ROCK2: variants seen among roughly 807,000 people sequenced by gnomAD.
ROCK2 encodes the protein rho-associated protein kinase 2.
ROCK2 carries 61 observed loss-of-function variants against 195.1 expected under a neutral mutation model. The observed-to-expected ratio is 0.31, with a 90% CI of 0.25 to 0.39. ROCK2 has a LOEUF of 0.39. Among genes scored for constraint, ROCK2 ranks in the 10% least tolerant of loss-of-function variants. ROCK2 has a pLI of 1.00. For missense variants in ROCK2, 1,109 were observed against 1,637.4 expected (o/e 0.68, Z 5.57); for synonymous variants, 504 against 545.5 (o/e 0.92, Z 1.06).
At chr2:11,283,510 G>A (rs1050941239) in intron 3 of ROCK2, among the ~76,000 whole-genome samples, 1 of 139,136 alleles carries the variant, frequency 7.2e-6, no homozygotes, top group Admixed American at 7.6e-5. Flanking sequence ...GCAGTGAGCC[G>A]AGATTGCGCC....
intron 3 of ROCK2, among the ~76,000 whole-genome samples, chr2:11,256,411 C>T (rs1666036779): frequency 6.6e-6 from 1 of 151,246 alleles, no homozygotes; most frequent in South Asian, 2.1e-4. Context: ...GCTTCCCTTT[C>T]ACCTTCTGCC....
chr2:11,245,275 T>A (rs896230271), intron 4 of ROCK2, among the ~76,000 whole-genome samples: 3 of 149,598 alleles, frequency 2.0e-5, no homozygotes, highest in Non-Finnish European at 4.4e-5. Context: ...TATAAAAATA[T>A]AAATTATATT....
chr2:11,221,322 T>C lies in ROCK2; in HGVS notation c.1135A>G (p.Ile379Val), dbSNP rs775276884. The C allele has an allele frequency of 1.3e-6, 2 of 1,586,278 alleles. No homozygotes were observed. Among genetic ancestry groups the C allele is most frequent in the Non-Finnish European group, 1.7e-6 (2 of 1,170,218 alleles). Residue 379 changes from isoleucine (I) to valine (V), a missense_variant, in exon 9 of 33, where the codon ATA (isoleucine) becomes GTA (valine). Ile to Val is a conservative substitution (Grantham distance 29). Coordinates refer to ENST00000315872, the MANE Select transcript of ROCK2 (RefSeq NM_004850.5). Reference sequence around the variant, plus strand: ...ATGTCATCGAAATTGCTGCTGTCTATGTCACTGCTGAGTTCAGGTACTACA... The same window carrying C: ...ATGTCATCGAAATTGCTGCTGTCTACGTCACTGCTGAGTTCAGGTACTACA... ...APVVPELSSD[I>V]DSSNFDDIED...
At chr2:11,214,575 G>C (rs1002745095) in intron 16 of ROCK2, 112 bp from the exon 17 acceptor site, 12 of 699,836 alleles carry the variant, frequency 1.7e-5, no homozygotes, top group Non-Finnish European at 2.8e-5. Flanking sequence ...TTTGTGAGCA[G>C]AAGTTTTATA....
In ROCK2 at chr2:11,192,389, T is replaced by G; in HGVS notation, c.3950-28A>C. 6.3e-7 allele frequency: 1 copy of G among 1,597,418 alleles called. No individual in the cohort carries two copies. The highest frequency in any genetic ancestry group is 8.5e-7 in the Non-Finnish European group (1 of 1,173,436). ...ATAAAGAAAAATTAGAAAAAAAAAT[T>G]AATGTGCTTAAAATGATCTGAACAT... On this transcript the variant is annotated intron_variant, in intron 31 of 32. Coordinates refer to ENST00000315872, the MANE Select transcript of ROCK2 (RefSeq NM_004850.5). This position sits in a 1 kb window ranked among gnomAD's most constrained non-coding sequence, Gnocchi z 5.0.
rs561168653 is a variant in ROCK2 at position 11,199,701 on chromosome 2, T to C, written c.2911-927A>G. 2.2e-3 allele frequency among the ~76,000 whole-genome samples: 341 copies of C among 152,314 alleles called. 3 individuals are homozygous for C. The highest frequency in any genetic ancestry group is 8.0e-3 in the African/African-American group (332 of 41,570). On this transcript the variant is annotated intron_variant, in intron 23 of 32. Coordinates refer to ENST00000315872, the MANE Select transcript of ROCK2 (RefSeq NM_004850.5). The stretch of plus-strand genomic sequence containing the variant: ...CTCAATAGCATATTAAGGCATTAAA[T>C]TGCTGATACAAATGAAGATCTGATG...
At chr2:11,261,342 T>C (rs1666219749) in intron 3 of ROCK2, among the ~76,000 whole-genome samples, 1 of 152,244 alleles carries the variant, frequency 6.6e-6, no homozygotes. Flanking sequence ...GCAAAGCTGG[T>C]TTCCACTGAT....
chr2:11,198,279 G>GA (rs1663713645), intron 25 of ROCK2, among the ~76,000 whole-genome samples: 1 of 152,066 alleles, frequency 6.6e-6, no homozygotes, highest in Non-Finnish European at 1.5e-5. Context: ...ATTCCAAAAG[G>GA]AAATATTAAG....
chr2:11,303,262 A>G (rs1463678265), intron 1 of ROCK2, among the ~76,000 whole-genome samples: 1 of 152,152 alleles, frequency 6.6e-6, no homozygotes, highest in East Asian at 1.9e-4. Context: ...TGTCCTTATA[A>G]AAGTTATTTT....
At chr2:11,206,118 A>C (rs1487906826) in intron 20 of ROCK2, among the ~76,000 whole-genome samples, 2 of 152,138 alleles carry the variant, frequency 1.3e-5, no homozygotes, top group East Asian at 3.9e-4. Context: ...TCCAAAAAAA[A>C]AAAGGACTGG....
At chr2:11,189,016 GAC>G (rs1173617224) in intron 32 of ROCK2, among the ~76,000 whole-genome samples, 1 of 151,504 alleles carries the variant, frequency 6.6e-6, no homozygotes, top group African/African-American at 2.4e-5. Context: ...CAGCCTGGGT[GAC>G]AGAGTGAGAC....
chr2:11,320,908 G>A (rs527536545), intron 1 of ROCK2, among the ~76,000 whole-genome samples: 22 of 152,170 alleles, frequency 1.4e-4, no homozygotes, highest in Non-Finnish European at 3.1e-4. Flanking sequence ...CCAGAGAGGA[G>A]GGAGGTGTAC....
chr2:11,319,118 T>A (rs972813287), intron 1 of ROCK2, among the ~76,000 whole-genome samples: 1 of 152,170 alleles, frequency 6.6e-6, no homozygotes, highest in Non-Finnish European at 1.5e-5. Context: ...AACTTTAAAG[T>A]AGTTTTTTCC....
chr2:11,269,687 A>G (rs1666556912), intron 3 of ROCK2, among the ~76,000 whole-genome samples: 1 of 152,148 alleles, frequency 6.6e-6, no homozygotes, highest in African/African-American at 2.4e-5. Context: ...GTAACGAAAG[A>G]GATTCCTCTT....
intron 4 of ROCK2, among the ~76,000 whole-genome samples, chr2:11,236,801 A>C (rs922018902): frequency 3.3e-5 from 5 of 152,232 alleles, no homozygotes; most frequent in African/African-American, 9.6e-5. Context: ...GCAATTTGAG[A>C]AACAAAAATA....
Position 11,274,066 on chromosome 2 carries a change from T to C in ROCK2, c.324+12473A>G, listed in dbSNP as rs181782490. Among the ~76,000 whole-genome samples, 341 of 145,894 alleles carry C rather than the reference T, an allele frequency of 2.3e-3. 3 individuals carry two copies. The highest frequency in any genetic ancestry group is 8.4e-3 in the African/African-American group (332 of 39,522). On this transcript the variant is annotated intron_variant, in intron 3 of 32. Transcript: ENST00000315872. ...AATTAGGAAATACTCCAGAGACAAA[T>C]GAAAACAACACAACAAAAAACTTAA... is the stretch of plus-strand genomic sequence containing the variant.
intron 4 of ROCK2, among the ~76,000 whole-genome samples, chr2:11,245,703 T>A (rs544728345): frequency 2.0e-4 from 31 of 152,260 alleles, no homozygotes; most frequent in African/African-American, 7.2e-4. Context: ...TTACATCACA[T>A]TGCAAGCAAG....
At chr2:11,237,844 G>A (rs10048781) in intron 4 of ROCK2, among the ~76,000 whole-genome samples, 223 of 152,296 alleles carry the variant, frequency 1.5e-3, no homozygotes, top group African/African-American at 5.0e-3. Flanking sequence ...TTGGGAGGCC[G>A]AGGCAGGCAG....
intron 1 of ROCK2, among the ~76,000 whole-genome samples, chr2:11,317,613 T>TATATATATATATA (rs1553317465): frequency 0.011 from 225 of 20,172 alleles, 2 homozygotes; most frequent in Non-Finnish European, 0.013. Flanking sequence ...TATATATATA[T>TATATATATATATA]TTTTTTTTTT....
Sources: allele counts gnomAD v4.1 joint callset (sites outside exome capture counted in the v4.1 genomes callset), GRCh38; gene constraint gnomAD v4.1.1; non-coding constraint Gnocchi (gnomAD v3.1); transcripts MANE v1.5; gene names NCBI Gene and HGNC (gene_info 2026-07-23, HGNC 2026-07-21).